ANO1: variants seen among roughly 807,000 people sequenced by gnomAD.
The protein encoded by ANO1 is anoctamin-1.
Under a neutral mutation model 124.0 loss-of-function variants are expected in ANO1, and 59 were observed. That is an observed-to-expected ratio of 0.48 (90% CI 0.39 to 0.59). The LOEUF (loss-of-function observed/expected upper bound fraction) is 0.59, where lower values mean the gene tolerates loss of function less well. Ranked by LOEUF, ANO1 falls within the 20% of genes least tolerant of loss-of-function variation. The pLI is 0.00. For missense variants in ANO1, 1,059 were observed against 1,328.0 expected (o/e 0.80, Z 3.15); for synonymous variants, 529 against 532.0 (o/e 0.99, Z 0.08).
intron 8 of ANO1, among the ~76,000 whole-genome samples, chr11:70,119,930 G>A (rs1050888595): frequency 6.6e-6 from 1 of 152,070 alleles, no homozygotes; most frequent in Non-Finnish European, 1.5e-5. Context: ...GAAAAGGAGG[G>A]AAGGAGGGAG....
the ANO1 span, among the ~76,000 whole-genome samples, chr11:69,971,228 C>T: frequency 6.6e-6 from 1 of 152,202 alleles, no homozygotes; most frequent in South Asian, 2.1e-4. Context: ...GTTTCCTCAT[C>T]TGTAAAAGGG....
At chr11:70,113,911 C>T (rs149557359) in intron 7 of ANO1, among the ~76,000 whole-genome samples, 8 of 152,288 alleles carry the variant, frequency 5.3e-5, no homozygotes, top group African/African-American at 1.9e-4. Flanking sequence ...TAGTGACACT[C>T]TGCAACTCCA....
chr11:70,086,348 C>T (rs1206864992), intron 1 of ANO1, among the ~76,000 whole-genome samples: 4 of 152,222 alleles, frequency 2.6e-5, no homozygotes, highest in Admixed American at 2.6e-4. Flanking sequence ...TAGCAATGGT[C>T]CCATCACACT....
At chr11:69,995,826 G>A (rs2120331618) in intron 1 of ANO1, among the ~76,000 whole-genome samples, 1 of 152,280 alleles carries the variant, frequency 6.6e-6, no homozygotes, top group South Asian at 2.1e-4. Context: ...GAGATTTCAG[G>A]CCGGGCGCAG....
At chr11:70,009,326 G>A (rs1280860653) in intron 1 of ANO1, among the ~76,000 whole-genome samples, 1 of 152,160 alleles carries the variant, frequency 6.6e-6, no homozygotes, top group African/African-American at 2.4e-5. Context: ...TAGCAGCTCT[G>A]CCAGAGTAGT....
intron 2 of ANO1, among the ~76,000 whole-genome samples, chr11:70,097,336 A>G (rs951173210): frequency 6.6e-6 from 1 of 152,174 alleles, no homozygotes; most frequent in Non-Finnish European, 1.5e-5. Flanking sequence ...TGGGGGATGT[A>G]TGCTTGCTCC....
Position 70,170,973 on chromosome 11 carries a change from C to T in ANO1, c.2284C>T (p.Arg762Cys), listed in dbSNP as rs746632501. 2.5e-6 allele frequency: 4 copies of T among 1,612,866 alleles called. No homozygotes were observed. The highest frequency in any genetic ancestry group is 2.5e-6 in the Non-Finnish European group (3 of 1,179,526). ...FALLNNIIEI[R>C]LDAKKFVTEL... ...GCTGCTGAACAACATCATCGAGATC[C>T]GCCTGGACGCCAAAAAGTTTGTCAC... The change falls in exon 22 of 26, where the codon CGC becomes TGC. Residue 762 changes from arginine to cysteine, a missense_variant. Physicochemically the swap from Arg to Cys is radical, Grantham distance 180. Around this residue, in one of 2 missense-constraint regions of ANO1, gnomAD observed 809 missense variants for 1,094.9 expected, o/e 0.74. Coordinates refer to ENST00000355303, the MANE Select transcript of ANO1 (RefSeq NM_018043.7).
rs192330276 is a variant in ANO1 at position 70,136,661 on chromosome 11, C to G, written c.1258+4582C>G. On this transcript the variant is annotated intron_variant, in intron 11 of 25. Coordinates refer to ENST00000355303, the MANE Select transcript of ANO1 (RefSeq NM_018043.7). ...CCTGGTGAGGTCAGGTGCCTGTCGT[C>G]GGCGTCTGCACTTGCCTGGAAGCCG... Among the ~76,000 whole-genome samples the G allele has an allele frequency of 1.9e-3, 273 of 147,306 alleles. 31 individuals are homozygous for G. Among genetic ancestry groups the G allele is most frequent in the South Asian group, 9.5e-3 (40 of 4,226 alleles).
intron 12 of ANO1, 92 bp from the exon 13 acceptor site, chr11:70,152,354 AAAAG>A: frequency 9.5e-7 from 1 of 1,057,286 alleles, no homozygotes; most frequent in Non-Finnish European, 1.4e-6. Flanking sequence ...AAAAAAAAAA[AAAAG>A]TTGTCCTTAG....
At chr11:70,105,320 G>A (rs1313430905) in intron 4 of ANO1, among the ~76,000 whole-genome samples, 1 of 152,228 alleles carries the variant, frequency 6.6e-6, no homozygotes, top group African/African-American at 2.4e-5. Context: ...TGGAAATACA[G>A]GGAGATTGTT....
chr11:70,174,023 C>T (rs1317411576), intron 22 of ANO1, among the ~76,000 whole-genome samples: 11 of 151,462 alleles, frequency 7.3e-5, no homozygotes, highest in Admixed American at 6.6e-4. Context: ...GCAAACTCCG[C>T]CTCCCGGGTT....
chr11:70,145,503 A>G (rs1201929150), intron 11 of ANO1, among the ~76,000 whole-genome samples: 1 of 152,174 alleles, frequency 6.6e-6, no homozygotes, highest in Non-Finnish European at 1.5e-5. Context: ...CATCTTTGTA[A>G]CATCTTCACC....
chr11:70,022,274 T>G (rs4980740), intron 1 of ANO1, among the ~76,000 whole-genome samples: 116,641 of 151,598 alleles, frequency 0.77, 45,181 homozygotes, highest in East Asian at 0.94. Context: ...CACATCAAGG[T>G]TCTGGCACAC....
chr11:70,170,312 A>T (rs1590913614), intron 21 of ANO1: 5 of 361,974 alleles, frequency 1.4e-5, no homozygotes, highest in Non-Finnish European at 2.2e-5. Flanking sequence ...TGATTTTTTA[A>T]AATTTGACAT....
chr11:70,170,981 C>T lies in ANO1; in HGVS notation c.2292C>T (p.Asp764=), dbSNP rs200910650. 57 of 1,612,954 alleles carry T rather than the reference C, an allele frequency of 3.5e-5. No individual in the cohort carries two copies. Among genetic ancestry groups the T allele is most frequent in the African/African-American group, 1.9e-4 (14 of 75,026 alleles). The change falls in exon 22 of 26, where the codon GAC becomes GAT. Residue 764 remains aspartate, a synonymous_variant. Coordinates refer to ENST00000355303, the MANE Select transcript of ANO1 (RefSeq NM_018043.7). ...ACAACATCATCGAGATCCGCCTGGA[C>T]GCCAAAAAGTTTGTCACTGAGCTCC... ...LLNNIIEIRL[D]AKKFVTELRR... is the part of the protein sequence containing the mutation.
chr11:70,021,033 C>T (rs782194655), intron 1 of ANO1: 4 of 152,128 alleles, frequency 2.6e-5, no homozygotes, highest in Non-Finnish European at 4.4e-5. Context: ...CACGTGGACT[C>T]GCTGTGGGAA....
chr11:70,055,226 G>A (rs142471597), intron 1 of ANO1, among the ~76,000 whole-genome samples: 26 of 152,142 alleles, frequency 1.7e-4, no homozygotes, highest in Middle Eastern at 6.8e-3. Flanking sequence ...AGTAATTTTT[G>A]TTGATTTTGT....
At chr11:70,123,369 G>C (rs1156889295) in intron 8 of ANO1, among the ~76,000 whole-genome samples, 1 of 152,188 alleles carries the variant, frequency 6.6e-6, no homozygotes, top group African/African-American at 2.4e-5. Flanking sequence ...GTCAGTGGGG[G>C]GTCTCTATAG....
chr11:70,144,352 G>A (rs1395140011), intron 11 of ANO1, among the ~76,000 whole-genome samples: 1 of 151,684 alleles, frequency 6.6e-6, no homozygotes, highest in Non-Finnish European at 1.5e-5. Context: ...TGTGATATGC[G>A]GGCCCTGCCC....
Sources: gnomAD v4.1 joint callset for allele counts (sites outside exome capture counted in the v4.1 genomes callset) on GRCh38, gnomAD v4.1.1 for gene constraint, gnomAD v4.1.1 regional missense constraint, MANE v1.5 for transcripts, NCBI Gene and HGNC (gene_info 2026-07-23, HGNC 2026-07-21) for gene names.